Variants in TRPM3 observed in about 807,000 individuals in gnomAD.
TRPM3 encodes the protein transient receptor potential cation channel subfamily M member 3, also known as long transient receptor potential channel 3.
TRPM3 carries 77 observed loss-of-function variants against 181.2 expected under a neutral mutation model. That is an observed-to-expected ratio of 0.42 (90% CI 0.35 to 0.51). The LOEUF is 0.51. Among genes scored for constraint, TRPM3 ranks in the 20% least tolerant of loss-of-function variants. The pLI, the probability that TRPM3 is intolerant of heterozygous loss-of-function variation, is 0.01. For synonymous variants in TRPM3, 745 were observed against 796.4 expected, an observed-to-expected ratio of 0.94 and a Z score of 1.09; for missense variants, 1,759 against 2,196.7, an observed-to-expected ratio of 0.80 and a Z score of 3.98.
At chr9:71,279,875 C>G (rs1052195549) in intron 1 of TRPM3, among the ~76,000 whole-genome samples, 1 of 152,020 alleles carries the variant, frequency 6.6e-6, no homozygotes, top group Non-Finnish European at 1.5e-5. Flanking sequence ...GTCAGGAGTT[C>G]GAGACCAGCC....
At chr9:70,788,119 G>A (rs1209047655) in intron 6 of TRPM3, among the ~76,000 whole-genome samples, 9 of 145,128 alleles carry the variant, frequency 6.2e-5, no homozygotes, top group African/African-American at 1.3e-4. Context: ...CCACTAACTC[G>A]TCATCTAGCA....
At chr9:70,931,111 T>C (rs1051406566) in intron 1 of TRPM3, among the ~76,000 whole-genome samples, 9 of 152,056 alleles carry the variant, frequency 5.9e-5, no homozygotes, top group African/African-American at 9.6e-5. Flanking sequence ...TAGCAGTAAA[T>C]AACGCAACTT....
At chr9:70,790,944 G>A (rs2085232761) in intron 6 of TRPM3, among the ~76,000 whole-genome samples, 1 of 152,122 alleles carries the variant, frequency 6.6e-6, no homozygotes, top group African/African-American at 2.4e-5. Context: ...AAAGCTTTGA[G>A]CTATTGAGGA....
intron 22 of TRPM3, among the ~76,000 whole-genome samples, chr9:70,567,130 C>T (rs759689037): frequency 1.3e-5 from 2 of 152,146 alleles, no homozygotes; most frequent in Non-Finnish European, 2.9e-5. Flanking sequence ...AGCTTGGATG[C>T]GGGAAAAATC....
At chr9:71,070,402 T>C (rs1252237432) in intron 1 of TRPM3, among the ~76,000 whole-genome samples, 5 of 152,174 alleles carry the variant, frequency 3.3e-5, no homozygotes, top group Admixed American at 6.5e-5. Flanking sequence ...GAGAAACATA[T>C]CTTTACTTTG....
chr9:71,231,020 A>G (rs753695552), intron 1 of TRPM3, among the ~76,000 whole-genome samples: 12 of 152,222 alleles, frequency 7.9e-5, no homozygotes, highest in African/African-American at 2.9e-4. Flanking sequence ...TAGCTAAATA[A>G]AGGAATAAAG....
Position 70,635,191 on chromosome 9 carries a change from G to A in TRPM3, c.1632+20C>T. The A allele has an allele frequency of 6.2e-7, 1 of 1,611,730 alleles. No homozygotes were observed. The highest frequency in any genetic ancestry group is 8.5e-7 in the Non-Finnish European group (1 of 1,178,016). ...GCAGTCAAGACAGGGCCTCCGACCTGCAGTCGAGAGGGTTCTTACCTTTTT... is the reference window on the plus strand; with the variant it reads ...GCAGTCAAGACAGGGCCTCCGACCTACAGTCGAGAGGGTTCTTACCTTTTT... On this transcript the variant is annotated intron_variant, in intron 12 of 25. Coordinates refer to ENST00000677713, the MANE Select transcript of TRPM3 (RefSeq NM_001366145.2).
chr9:70,759,473 C>T (rs962595756), intron 8 of TRPM3, among the ~76,000 whole-genome samples: 7 of 152,264 alleles, frequency 4.6e-5, no homozygotes, highest in African/African-American at 1.7e-4. Flanking sequence ...ACCAGCAATC[C>T]CATTACTGGG....
At chr9:70,572,819 T>C (rs1234490408) in intron 22 of TRPM3, among the ~76,000 whole-genome samples, 2 of 152,230 alleles carry the variant, frequency 1.3e-5, no homozygotes, top group Non-Finnish European at 2.9e-5. Flanking sequence ...AATTCTCACA[T>C]GTTAAGGTTA....
At chr9:70,834,396 C>A (rs932765577) in intron 5 of TRPM3, among the ~76,000 whole-genome samples, 2 of 152,150 alleles carry the variant, frequency 1.3e-5, no homozygotes, top group African/African-American at 4.8e-5. Context: ...AACCTACTGG[C>A]AGTGGGAAAA....
intron 1 of TRPM3, among the ~76,000 whole-genome samples, chr9:71,245,149 G>C (rs2081959380): frequency 6.6e-6 from 1 of 152,006 alleles, no homozygotes. Context: ...TCAAGGAGGA[G>C]TATAAATACA....
At chr9:71,407,349 C>T (rs1291038696) in intron 1 of TRPM3, among the ~76,000 whole-genome samples, 1 of 152,132 alleles carries the variant, frequency 6.6e-6, no homozygotes, top group Non-Finnish European at 1.5e-5. Context: ...CAGCTGGTAC[C>T]TGGAAAACCA....
intron 1 of TRPM3, among the ~76,000 whole-genome samples, chr9:71,196,861 C>CT (rs1000420429): frequency 8.6e-6 from 1 of 115,692 alleles, no homozygotes; most frequent in African/African-American, 2.9e-5. Flanking sequence ...TAAATTGGGC[C>CT]TTTCTTTTTA....
chr9:70,618,842 G>C (rs767575310), intron 17 of TRPM3, 25 bp downstream of exon 17: 1 of 1,595,562 alleles, frequency 6.3e-7, no homozygotes, highest in South Asian at 1.1e-5. Flanking sequence ...CTCATAGCCA[G>C]GAGGGCCTTA....
At chr9:70,607,488 G>A (rs1007264916) in intron 19 of TRPM3, among the ~76,000 whole-genome samples, 1 of 152,168 alleles carries the variant, frequency 6.6e-6, no homozygotes, top group Non-Finnish European at 1.5e-5. Flanking sequence ...GGTTTGCTGA[G>A]GCCAATCCAG....
intron 9 of TRPM3, among the ~76,000 whole-genome samples, chr9:70,670,159 G>C (rs1049419771): frequency 6.6e-6 from 1 of 152,038 alleles, no homozygotes; most frequent in African/African-American, 2.4e-5. Context: ...TTGGAAGATG[G>C]GGTTTGATCA....
At chr9:71,355,236 T>C (rs1488323902) in intron 1 of TRPM3, among the ~76,000 whole-genome samples, 2 of 152,220 alleles carry the variant, frequency 1.3e-5, no homozygotes, top group Non-Finnish European at 2.9e-5. Context: ...AATGTGAGCT[T>C]ATTTGGAAAA....
At chr9:70,677,949 G>A (rs985368931) in intron 9 of TRPM3, among the ~76,000 whole-genome samples, 8 of 147,126 alleles carry the variant, frequency 5.4e-5, no homozygotes, top group African/African-American at 2.0e-4. Flanking sequence ...TAGTATAAGT[G>A]TGTCTCAAGT....
intron 8 of TRPM3, among the ~76,000 whole-genome samples, chr9:70,697,160 A>C (rs550301914): frequency 1.3e-5 from 2 of 152,308 alleles, no homozygotes; most frequent in East Asian, 3.9e-4. Flanking sequence ...GACAAATTAA[A>C]ACTAAAGCTG....
Sources: allele counts gnomAD v4.1 joint callset (sites outside exome capture counted in the v4.1 genomes callset), GRCh38; gene constraint gnomAD v4.1.1; transcripts MANE v1.5; gene names NCBI Gene and HGNC (gene_info 2026-07-23, HGNC 2026-07-21).